The following FNIP2 variants were observed in gnomAD, a reference collection of about 807,000 sequenced individuals.
FNIP2 encodes the protein folliculin-interacting protein 2.
A neutral mutation model predicts 108.7 loss-of-function variants in FNIP2; 32 were observed. That is an observed-to-expected ratio of 0.29 (90% CI 0.22 to 0.40). The LOEUF (loss-of-function observed/expected upper bound fraction) is 0.40, where lower values mean the gene tolerates loss of function less well. Ranked by LOEUF, FNIP2 falls within the 10% of genes least tolerant of loss-of-function variation. FNIP2 has a pLI of 1.00. For missense variants in FNIP2, 1,202 were observed against 1,381.6 expected (o/e 0.87, Z 2.06); for synonymous variants, 480 against 496.7 (o/e 0.97, Z 0.45).
intron 12 of FNIP2, among the ~76,000 whole-genome samples, chr4:158,865,969 G>A (rs1218041381): frequency 6.6e-6 from 1 of 151,806 alleles, no homozygotes; most frequent in Non-Finnish European, 1.5e-5. Flanking sequence ...AATACTCGCA[G>A]AAGGAGGTAT....
At chr4:158,857,902 C>T (rs372854484) in intron 8 of FNIP2, among the ~76,000 whole-genome samples, 1 of 152,070 alleles carries the variant, frequency 6.6e-6, no homozygotes, top group Non-Finnish European at 1.5e-5. Context: ...GAGCCATGAT[C>T]ACACCACTGC....
Position 158,870,306 on chromosome 4 carries a change from GT to G in FNIP2, c.2793-3del, listed in dbSNP as rs1780865670. ...TGTGCATTTTAATGGGCCACATGTTGTTTTAGGTCTCAGAGCATCAGCACCC... is the reference window on the plus strand; with the variant it reads ...TGTGCATTTTAATGGGCCACATGTTGTTTAGGTCTCAGAGCATCAGCACCC... On this transcript the variant is annotated splice_polypyrimidine_tract_variant and splice_region_variant and intron_variant, in intron 13 of 16. Transcript: ENST00000264433. 6 of 1,611,900 alleles carry G rather than the reference GT, an allele frequency of 3.7e-6. No individual in the cohort carries two copies. The highest frequency in any genetic ancestry group is 5.1e-6 in the Non-Finnish European group (6 of 1,178,108).
At chr4:158,784,864 C>T (rs913748282) in intron 1 of FNIP2, among the ~76,000 whole-genome samples, 1 of 152,188 alleles carries the variant, frequency 6.6e-6, no homozygotes, top group Non-Finnish European at 1.5e-5. Context: ...TCTTATATGG[C>T]AGTTACCACA....
intron 14 of FNIP2, among the ~76,000 whole-genome samples, chr4:158,883,111 CA>C (rs375313649): frequency 0.015 from 2,300 of 149,192 alleles, 21 homozygotes; most frequent in Non-Finnish European, 0.024. Context: ...CTAACACACA[CA>C]AAAAAAAAAT....
chr4:158,849,249 A>C (rs943139672), intron 7 of FNIP2, among the ~76,000 whole-genome samples: 8 of 152,074 alleles, frequency 5.3e-5, no homozygotes, highest in African/African-American at 1.9e-4. Context: ...GACTTGCCTT[A>C]ATGAAGAGGA....
intron 1 of FNIP2, among the ~76,000 whole-genome samples, chr4:158,800,945 T>C (rs1776741333): frequency 6.6e-6 from 1 of 152,080 alleles, no homozygotes; most frequent in East Asian, 1.9e-4. Context: ...GACATGGGAG[T>C]AGAAAATAAT....
At chr4:158,840,980 G>A (rs73858593) in intron 7 of FNIP2, among the ~76,000 whole-genome samples, 362 of 152,330 alleles carry the variant, frequency 2.4e-3, no homozygotes, top group African/African-American at 7.0e-3. Context: ...TGAACTTTCA[G>A]GGTAAGAATC....
intron 16 of FNIP2, among the ~76,000 whole-genome samples, chr4:158,900,531 G>T (rs1729123959): frequency 6.6e-6 from 1 of 152,168 alleles, no homozygotes; most frequent in Admixed American, 6.5e-5. Context: ...TGTATTGGTT[G>T]CATGTAGATT....
Position 158,868,257 on chromosome 4 carries a change from C to G in FNIP2, c.1621C>G (p.His541Asp). 6.2e-7 allele frequency: 1 copy of G among 1,614,062 alleles called. No individual in the cohort carries two copies. Among genetic ancestry groups the G allele is most frequent in the Non-Finnish European group, 8.5e-7 (1 of 1,179,908 alleles). ...QENQLTWSGN[H>D]GEGDQVLNGS... is the part of the protein sequence containing the mutation. ...GAACCAGCTGACCTGGAGTGGCAATCATGGTGAAGGTGACCAAGTTTTAAA... is the reference window on the plus strand; with the variant it reads ...GAACCAGCTGACCTGGAGTGGCAATGATGGTGAAGGTGACCAAGTTTTAAA... Residue 541 changes from histidine to aspartate, a missense_variant, in exon 13 of 17, where the codon CAT (histidine) becomes GAT (aspartate). Transcript: ENST00000264433. The surrounding 1 kb of genome is among the most constrained non-coding windows in gnomAD (Gnocchi z 4.6).
chr4:158,795,727 C>G (rs905283616), intron 1 of FNIP2: 1 of 152,220 alleles, frequency 6.6e-6, no homozygotes, highest in African/African-American at 2.4e-5. Flanking sequence ...TCCCCATCGC[C>G]GATGTTACCG....
At chr4:158,823,872 C>G (rs897942179) in intron 1 of FNIP2, among the ~76,000 whole-genome samples, 3 of 152,114 alleles carry the variant, frequency 2.0e-5, no homozygotes, top group Non-Finnish European at 4.4e-5. Context: ...AACATGGACT[C>G]CCTCTGGACT....
intron 14 of FNIP2, among the ~76,000 whole-genome samples, chr4:158,886,833 A>G (rs1327626928): frequency 6.6e-6 from 1 of 152,192 alleles, no homozygotes; most frequent in East Asian, 1.9e-4. Context: ...CTGAGACAAT[A>G]ATGGTTTGCA....
chr4:158,905,081 C>T lies in FNIP2; in HGVS notation c.*537C>T, dbSNP rs1188842297. ...AAAGAAAGCCACATTGTGCCATCTT[C>T]AGCTCCAGTGGCTTTAGCAGTGACT... On this transcript the variant is annotated 3_prime_UTR_variant, in exon 17 of 17. Coordinates refer to ENST00000264433, the MANE Select transcript of FNIP2 (RefSeq NM_020840.3). The T allele has an allele frequency of 3.3e-5, 5 of 153,112 alleles. No individual in the cohort carries two copies. The highest frequency in any genetic ancestry group is 5.8e-5 in the Non-Finnish European group (4 of 68,618). The allele number at this position is 153,112 out of a possible 1,614,324, so 9.5% of individuals were successfully genotyped here. A position where few individuals can be genotyped will look rare whatever the true frequency, so the allele number is the denominator to read the frequency against.
chr4:158,869,876 T>C (rs1040022150), intron 13 of FNIP2, among the ~76,000 whole-genome samples: 1 of 152,252 alleles, frequency 6.6e-6, no homozygotes, highest in Non-Finnish European at 1.5e-5. Flanking sequence ...CACCTCTTTC[T>C]TAACACTCCA....
chr4:158,833,848 G>C (rs1778622957), intron 6 of FNIP2: 5 of 1,494,242 alleles, frequency 3.3e-6, no homozygotes, highest in Admixed American at 2.1e-5. Context: ...GGTAGCTGAA[G>C]GAGGACCTCT....
intron 15 of FNIP2, among the ~76,000 whole-genome samples, chr4:158,894,170 CTTTTT>C (rs5863337): frequency 3.1e-5 from 4 of 127,454 alleles, no homozygotes; most frequent in African/African-American, 5.7e-5. Flanking sequence ...AAAATGTTTT[CTTTTT>C]TTTTTTTTTT....
intron 14 of FNIP2, among the ~76,000 whole-genome samples, chr4:158,879,765 A>G: frequency 6.6e-6 from 1 of 150,462 alleles, no homozygotes; most frequent in East Asian, 1.9e-4. Context: ...TAACAACCCC[A>G]TCAAAAAGTG....
At chr4:158,903,158 C>T (rs1307737508) in intron 16 of FNIP2, among the ~76,000 whole-genome samples, 1 of 152,186 alleles carries the variant, frequency 6.6e-6, no homozygotes, top group African/African-American at 2.4e-5. Flanking sequence ...TCATGAAGAC[C>T]ATGGGAAAAG....
chr4:158,788,644 A>G (rs1776302296), intron 1 of FNIP2, among the ~76,000 whole-genome samples: 1 of 152,264 alleles, frequency 6.6e-6, no homozygotes, highest in East Asian at 1.9e-4. Flanking sequence ...GAAGCCGTAC[A>G]TATGGACAGG....
Sources: gnomAD v4.1 joint callset for allele counts (sites outside exome capture counted in the v4.1 genomes callset) on GRCh38, gnomAD v4.1.1 for gene constraint, Gnocchi (gnomAD v3.1) non-coding constraint, MANE v1.5 for transcripts, NCBI Gene and HGNC (gene_info 2026-07-23, HGNC 2026-07-21) for gene names.